The following MCM8 variants were observed in gnomAD, a reference collection of about 807,000 sequenced individuals.
The protein encoded by MCM8 is minichromosome maintenance 8 homologous recombination repair factor, also known as DNA helicase MCM8.
MCM8 carries 85 observed loss-of-function variants against 98.9 expected under a neutral mutation model. The ratio of observed to expected loss-of-function variants is 0.86; its 90% CI spans 0.72 to 1.03. The LOEUF is 1.03. Ranked by LOEUF, MCM8 falls within the 50% of genes least tolerant of loss-of-function variation. MCM8 has a pLI of 0.00. For synonymous variants in MCM8, 352 were observed against 338.6 expected (o/e 1.04, Z -0.44); for missense variants, 951 against 997.8 (o/e 0.95, Z 0.63).
In MCM8 at chr20:5,952,194, T is replaced by G. The variant is rs1451994339; in HGVS notation, c.148+31T>G. ...TGAGGTCAATGATTGTTCAATTTTT[T>G]TCACTTAAGGAAGCAATTCACGTCT... On this transcript the variant is annotated intron_variant, in intron 2 of 18. Coordinates refer to ENST00000610722, the MANE Select transcript of MCM8 (RefSeq NM_032485.6). 3.7e-6 allele frequency: 6 copies of G among 1,605,508 alleles called. No individual in the cohort carries two copies. The East Asian group carries it at 9.1e-5, about 24-fold the overall frequency.
chr20:5,977,572 A>G (rs946396788), intron 12 of MCM8, among the ~76,000 whole-genome samples: 4 of 152,216 alleles, frequency 2.6e-5, no homozygotes, highest in Non-Finnish European at 5.9e-5. Context: ...AATGAAGCAT[A>G]AATTGGAATT....
Position 5,995,756 on chromosome 20 carries a change from A to G in MCM8, c.*1365A>G, listed in dbSNP as rs1033827618. 6.6e-6 allele frequency: 1 copy of G among 152,236 alleles called. No individual in the cohort carries two copies. The highest frequency in any genetic ancestry group is 1.9e-4 in the East Asian group (1 of 5,202). 9.4% of individuals were successfully genotyped at this position (152,236 alleles called of 1,614,324 possible). A position where few individuals can be genotyped will look rare whatever the true frequency, so the allele number is the denominator to read the frequency against. ...TACAGGGTTGCCAGCCAAACTATCA[A>G]TCATGTATAAATCCAACAAACACTT... On this transcript the variant is annotated 3_prime_UTR_variant, in exon 19 of 19. Transcript: ENST00000610722.
intron 4 of MCM8, among the ~76,000 whole-genome samples, 187 bp downstream of exon 4, chr20:5,954,877 A>G (rs867106811): frequency 6.6e-6 from 1 of 152,212 alleles, no homozygotes; most frequent in African/African-American, 2.4e-5. Flanking sequence ...TCATTTGGAG[A>G]TAGAGGTATA....
chr20:5,968,135 A>G, intron 10 of MCM8, 110 bp downstream of exon 10: 1 of 792,422 alleles, frequency 1.3e-6, no homozygotes, highest in East Asian at 2.5e-5. Context: ...CAGTCCATGT[A>G]CCAAATACAG....
intron 6 of MCM8, among the ~76,000 whole-genome samples, chr20:5,957,733 A>G (rs2089024852): frequency 6.6e-6 from 1 of 152,204 alleles, no homozygotes; most frequent in Non-Finnish European, 1.5e-5. Context: ...TAAGGGATAT[A>G]CTCAGTCTGT....
In MCM8 at chr20:5,994,478, GACACACACACACACACACACACACAC is replaced by G. The variant is rs11472210; in HGVS notation, c.*107_*132del. On this transcript the variant is annotated 3_prime_UTR_variant, in exon 19 of 19. Transcript: ENST00000610722. ...ATATGCGTGCACGCACAGACAGACA[GACACACACACACACACACACACACAC>G]ACACACACACACACACACAGTCAAA... 1.0e-5 allele frequency: 4 copies of G among 384,366 alleles called. No homozygotes were observed. Among genetic ancestry groups the G allele is most frequent in the Admixed American group, 4.3e-5 (1 of 23,362 alleles). 23.8% of individuals were successfully genotyped at this position (384,366 alleles called of 1,614,324 possible).
chr20:5,967,364 C>T (rs2089296662), intron 8 of MCM8, 72 bp from the exon 9 acceptor site: 2 of 1,366,242 alleles, frequency 1.5e-6, no homozygotes, highest in African/African-American at 2.9e-5. Context: ...TCATGTGAAC[C>T]CTGAATAGTT....
intron 10 of MCM8, among the ~76,000 whole-genome samples, chr20:5,968,875 A>G (rs1371343241): frequency 6.6e-6 from 1 of 152,220 alleles, no homozygotes; most frequent in Non-Finnish European, 1.5e-5. Context: ...TCGAATTAAC[A>G]TATATTCAAA....
At chr20:5,960,219 C>G (rs2089105818) in intron 7 of MCM8, among the ~76,000 whole-genome samples, 1 of 152,018 alleles carries the variant, frequency 6.6e-6, no homozygotes, top group East Asian at 1.9e-4. Context: ...ACTGGCCATT[C>G]AGTTTCTTTA....
At chr20:5,969,683 T>C (rs1408265461) in intron 10 of MCM8, among the ~76,000 whole-genome samples, 1 of 152,168 alleles carries the variant, frequency 6.6e-6, no homozygotes, top group Non-Finnish European at 1.5e-5. Context: ...CTTTCTGGCT[T>C]TAATATGTTA....
chr20:5,979,012 G>C (rs994464263), intron 13 of MCM8, among the ~76,000 whole-genome samples: 1 of 152,206 alleles, frequency 6.6e-6, no homozygotes. Context: ...TTCTCTTTGT[G>C]ATGCCTTCAC....
In MCM8 at chr20:5,967,505, T is replaced by G. The variant is rs1165822005; in HGVS notation, c.945T>G (p.Leu315=). The change falls in exon 9 of 19, where the codon CTT becomes CTG. Residue 315 remains leucine, a synonymous_variant. Transcript: ENST00000610722. The part of the protein sequence containing the change: ...GRIPRTIECE[L]VHDLVDSCVP... ...TTCCACGAACAATAGAATGTGAGCT[T>G]GTTCATGATCTTGTGGATAGCTGTG... The G allele has an allele frequency of 1.2e-6, 2 of 1,613,964 alleles. No individual in the cohort carries two copies. Among genetic ancestry groups the G allele is most frequent in the African/African-American group, 2.7e-5 (2 of 74,920 alleles).
At chr20:5,954,967 C>T in intron 4 of MCM8, 135 bp from the exon 5 acceptor site, 1 of 663,218 alleles carries the variant, frequency 1.5e-6, no homozygotes, top group South Asian at 2.1e-5. Flanking sequence ...TGGCACAAAG[C>T]TTATACTTAT....
chr20:5,977,633 T>C (rs751110257), intron 12 of MCM8, among the ~76,000 whole-genome samples: 10 of 152,210 alleles, frequency 6.6e-5, no homozygotes, highest in Non-Finnish European at 1.3e-4. Context: ...TGCCTGGGTT[T>C]GATTGAATCC....
intron 8 of MCM8, among the ~76,000 whole-genome samples, chr20:5,964,173 C>A (rs1462760074): frequency 7.1e-6 from 1 of 140,266 alleles, no homozygotes; most frequent in African/African-American, 2.6e-5. Flanking sequence ...TGTTTTTCAT[C>A]CCATAATTGA....
Position 5,983,144 on chromosome 20 carries a change from A to C in MCM8, c.1712A>C (p.Lys571Thr). 3.1e-6 allele frequency: 5 copies of C among 1,612,210 alleles called. No homozygotes were observed. Among genetic ancestry groups the C allele is most frequent in the Non-Finnish European group, 4.2e-6 (5 of 1,179,398 alleles). The change falls in exon 14 of 19, where the codon AAA (lysine) becomes ACA (threonine). Residue 571 changes from lysine to threonine, a missense_variant. Physicochemically the swap from Lys to Thr is moderately conservative, Grantham distance 78. Transcript: ENST00000610722. ...NPVGGHYNKA[K>T]TVSENLKMGS... is the part of the protein sequence containing the mutation. ...GTTGGAGGACATTACAATAAAGCCA[A>C]AACAGTTTCTGAGAATTTAAAGTAA...
intron 12 of MCM8, among the ~76,000 whole-genome samples, chr20:5,973,547 CTAT>C (rs2089448136): frequency 6.6e-6 from 1 of 152,190 alleles, no homozygotes; most frequent in East Asian, 1.9e-4. Context: ...GCAGGGTCAC[CTAT>C]TCTCCCTCAT....
chr20:5,991,990 T>C (rs961983068), intron 17 of MCM8, among the ~76,000 whole-genome samples: 2 of 152,210 alleles, frequency 1.3e-5, no homozygotes, highest in African/African-American at 4.8e-5. Context: ...ACATAGCTTG[T>C]CTGAGTTACC....
intron 12 of MCM8, among the ~76,000 whole-genome samples, chr20:5,976,044 A>G (rs2122762700): frequency 6.6e-6 from 1 of 150,740 alleles, no homozygotes; most frequent in Middle Eastern, 3.4e-3. Flanking sequence ...GGCTGGGTGC[A>G]GTGGCTCATG....
Sources: gnomAD v4.1 joint callset for allele counts (sites outside exome capture counted in the v4.1 genomes callset) on GRCh38, gnomAD v4.1.1 for gene constraint, MANE v1.5 for transcripts, NCBI Gene and HGNC (gene_info 2026-07-23, HGNC 2026-07-21) for gene names.